Variants in GOLM2 observed in about 807,000 individuals in gnomAD.
GOLM2 encodes golgi membrane protein 2, also known as protein GOLM2.
In GOLM2, 26 loss-of-function variants were observed where a neutral mutation model predicts 55.9. The ratio of observed to expected loss-of-function variants is 0.47; its 90% CI spans 0.34 to 0.65. The LOEUF (loss-of-function observed/expected upper bound fraction) is 0.65, where lower values mean the gene tolerates loss of function less well. Ranked by LOEUF, GOLM2 falls within the 30% of genes least tolerant of loss-of-function variation. GOLM2 has a pLI of 0.01. For synonymous variants in GOLM2, 165 were observed against 194.6 expected (o/e 0.85, Z 1.27); for missense variants, 486 against 531.8 (o/e 0.91, Z 0.85).
At chr15:44,325,031 T>A (rs1181536226) in intron 2 of GOLM2, among the ~76,000 whole-genome samples, 1 of 152,160 alleles carries the variant, frequency 6.6e-6, no homozygotes, top group African/African-American at 2.4e-5. Flanking sequence ...TTTTTTAACC[T>A]TTATTTAAGT....
chr15:44,302,923 T>G (rs913248572), intron 1 of GOLM2, among the ~76,000 whole-genome samples: 1 of 151,980 alleles, frequency 6.6e-6, no homozygotes, highest in Non-Finnish European at 1.5e-5. Context: ...GCCAACATGG[T>G]GAAACCCCGT....
At chr15:44,308,597 T>C (rs1019043296) in intron 1 of GOLM2, 4 of 152,168 alleles carry the variant, frequency 2.6e-5, no homozygotes, top group African/African-American at 9.7e-5. Flanking sequence ...CTGGGCCATA[T>C]TCTATATTTA....
chr15:44,320,948 C>T (rs1168333089), intron 1 of GOLM2, among the ~76,000 whole-genome samples: 1 of 152,106 alleles, frequency 6.6e-6, no homozygotes, highest in African/African-American at 2.4e-5. Flanking sequence ...TCTGAAATGC[C>T]CCTTTCCCAT....
chr15:44,299,444 C>T (rs935312223), intron 1 of GOLM2, among the ~76,000 whole-genome samples: 3 of 151,962 alleles, frequency 2.0e-5, no homozygotes, highest in African/African-American at 7.2e-5. Context: ...AGGCACGCAC[C>T]ACCACACCCA....
chr15:44,355,620 C>G, intron 6 of GOLM2: 1 of 208,998 alleles, frequency 4.8e-6, no homozygotes, highest in Non-Finnish European at 9.8e-6. Context: ...AGTTAATTTC[C>G]TGGTATGACA....
chr15:44,288,938 G>A lies in GOLM2; in HGVS notation c.-92G>A. The stretch of plus-strand genomic sequence containing the variant: ...GCCTCCTCCCTCGGCCGGCCCTGGG[G>A]CCGTGTCCGCCGGGCAACTCCAGCC... On this transcript the variant is annotated 5_prime_UTR_variant, in exon 1 of 10. Coordinates refer to ENST00000299957, the MANE Select transcript of GOLM2 (RefSeq NM_138423.4). 4.0e-6 allele frequency: 5 copies of A among 1,244,862 alleles called. No individual in the cohort carries two copies. Among genetic ancestry groups the A allele is most frequent in the Non-Finnish European group, 5.6e-6 (5 of 899,122 alleles). 77.1% of individuals were successfully genotyped at this position (1,244,862 alleles called of 1,614,324 possible).
intron 1 of GOLM2, among the ~76,000 whole-genome samples, chr15:44,306,188 T>C (rs1444890081): frequency 6.6e-6 from 1 of 152,196 alleles, no homozygotes; most frequent in East Asian, 1.9e-4. Flanking sequence ...ACATGGAAAA[T>C]GTGTTGTTTA....
intron 6 of GOLM2, 50 bp downstream of exon 6, chr15:44,338,367 C>A (rs2079071144): frequency 7.6e-7 from 1 of 1,321,960 alleles, no homozygotes; most frequent in Non-Finnish European, 1.1e-6. Flanking sequence ...TAATACATTT[C>A]ATGTGACCCC....
At chr15:44,338,944 T>C (rs1340919295) in intron 6 of GOLM2, among the ~76,000 whole-genome samples, 1 of 152,180 alleles carries the variant, frequency 6.6e-6, no homozygotes. Flanking sequence ...GTCTCTTCTT[T>C]GTTTTTCTTG....
At chr15:44,347,359 C>T (rs1240124837) in intron 6 of GOLM2, among the ~76,000 whole-genome samples, 1 of 152,174 alleles carries the variant, frequency 6.6e-6, no homozygotes, top group African/African-American at 2.4e-5. Context: ...GACACCACCC[C>T]CCAACCCCTG....
At chr15:44,326,353 AT>A (rs1400681100) in intron 2 of GOLM2, among the ~76,000 whole-genome samples, 2 of 151,560 alleles carry the variant, frequency 1.3e-5, no homozygotes. Context: ...TGAATCATTG[AT>A]TTTTTCATAC....
At chr15:44,359,853 C>G (rs2079224740) in intron 6 of GOLM2, among the ~76,000 whole-genome samples, 1 of 152,348 alleles carries the variant, frequency 6.6e-6, no homozygotes, top group African/African-American at 2.4e-5. Flanking sequence ...CAGCGGATCT[C>G]TCGGGAGAAA....
intron 6 of GOLM2, among the ~76,000 whole-genome samples, chr15:44,365,453 G>A (rs1258173105): frequency 6.6e-6 from 1 of 152,042 alleles, no homozygotes; most frequent in Non-Finnish European, 1.5e-5. Context: ...CCTGAGCCTG[G>A]GAAGTTGAGG....
intron 6 of GOLM2, among the ~76,000 whole-genome samples, chr15:44,339,003 C>T (rs896346727): frequency 6.6e-6 from 1 of 152,062 alleles, no homozygotes; most frequent in Admixed American, 6.6e-5. Flanking sequence ...CTGCTGACTC[C>T]AATTTATTAG....
chr15:44,325,466 C>G (rs1362773719), intron 2 of GOLM2, among the ~76,000 whole-genome samples: 2 of 152,128 alleles, frequency 1.3e-5, no homozygotes, highest in African/African-American at 4.8e-5. Context: ...ATCCAAGAAT[C>G]TTAAAATCAT....
intron 6 of GOLM2, among the ~76,000 whole-genome samples, chr15:44,373,258 C>T (rs1168378065): frequency 6.6e-6 from 1 of 151,412 alleles, no homozygotes; most frequent in Non-Finnish European, 1.5e-5. Context: ...GAGATGGAGA[C>T]CATCCTGGCT....
At chr15:44,370,187 G>C (rs1365141019) in intron 6 of GOLM2, among the ~76,000 whole-genome samples, 1 of 152,040 alleles carries the variant, frequency 6.6e-6, no homozygotes, top group African/African-American at 2.4e-5. Flanking sequence ...AATCTCCTTT[G>C]GCAACACCCT....
intron 6 of GOLM2, among the ~76,000 whole-genome samples, chr15:44,376,505 C>G (rs962309972): frequency 6.6e-6 from 1 of 152,062 alleles, no homozygotes; most frequent in Non-Finnish European, 1.5e-5. Context: ...GCCTTGGCCT[C>G]CTAAAATATT....
intron 1 of GOLM2, among the ~76,000 whole-genome samples, chr15:44,304,649 G>T (rs368965296): frequency 4.6e-5 from 7 of 152,072 alleles, no homozygotes; most frequent in African/African-American, 1.7e-4. Context: ...AACCTCCTGG[G>T]GTCAAGCAAT....
Sources: gnomAD v4.1 joint callset for allele counts (sites outside exome capture counted in the v4.1 genomes callset) on GRCh38, gnomAD v4.1.1 for gene constraint, MANE v1.5 for transcripts, NCBI Gene and HGNC (gene_info 2026-07-23, HGNC 2026-07-21) for gene names.